The following CSMD1 variants were observed in gnomAD, a reference collection of about 807,000 sequenced individuals.
The protein encoded by CSMD1 is CUB and Sushi multiple domains 1.
Under a neutral mutation model 417.5 loss-of-function variants are expected in CSMD1, and 213 were observed. That is an observed-to-expected ratio of 0.51 (90% confidence interval 0.46 to 0.57). CSMD1 has a LOEUF of 0.57. Among genes scored for constraint, CSMD1 ranks in the 20% least tolerant of loss-of-function variants. The pLI is 0.00. For synonymous variants in CSMD1, 2,862 were observed against 1,736.8 expected (o/e 1.65, Z -16.11); for missense variants, 6,923 against 4,529.7 (o/e 1.53, Z -15.17).
rs117236856 is a variant in CSMD1 at position 3,564,367 on chromosome 8, C to G, written c.1344+10578G>C. Among the ~76,000 whole-genome samples, 878 of 152,280 alleles carry G rather than the reference C, an allele frequency of 5.8e-3. 6 individuals carry two copies. The highest frequency in any genetic ancestry group is 0.024 in the Middle Eastern group (7 of 294). The stretch of plus-strand genomic sequence containing the variant: ...CCTCAGTGTCCATAAATAACTCCTA[C>G]ACAAACCTAGACATTCATTCACTCA... On this transcript the variant is annotated intron_variant, in intron 10 of 69. Coordinates refer to ENST00000635120, the MANE Select transcript of CSMD1 (RefSeq NM_033225.6).
At chr8:4,640,453 G>C (rs556995805) in intron 1 of CSMD1, among the ~76,000 whole-genome samples, 4 of 152,132 alleles carry the variant, frequency 2.6e-5, no homozygotes, top group Admixed American at 2.0e-4. Flanking sequence ...AGAATAGAAA[G>C]CCATAAAATC....
chr8:4,358,487 G>C (rs370131909), intron 3 of CSMD1, among the ~76,000 whole-genome samples: 3 of 152,356 alleles, frequency 2.0e-5, no homozygotes, highest in African/African-American at 7.2e-5. Context: ...TCCACAAGGT[G>C]TATGTCTCCT....
chr8:4,481,306 C>A, intron 2 of CSMD1, among the ~76,000 whole-genome samples: 1 of 152,206 alleles, frequency 6.6e-6, no homozygotes, highest in East Asian at 1.9e-4. Context: ...CCTTATCTTT[C>A]CCATTTTTAA....
chr8:4,341,559 G>A (rs887773427), intron 3 of CSMD1, among the ~76,000 whole-genome samples: 6 of 152,078 alleles, frequency 3.9e-5, no homozygotes, highest in East Asian at 1.9e-4. Flanking sequence ...CCTACAGTGT[G>A]ATTTTGAGAA....
At chr8:3,250,293 G>C (rs570864922) in intron 26 of CSMD1, among the ~76,000 whole-genome samples, 9 of 152,144 alleles carry the variant, frequency 5.9e-5, no homozygotes, top group Admixed American at 3.9e-4. Context: ...CCACCTATGA[G>C]TGAGAACATG....
chr8:3,270,457 T>G (rs753834829), intron 26 of CSMD1, among the ~76,000 whole-genome samples: 2 of 152,186 alleles, frequency 1.3e-5, no homozygotes, highest in Non-Finnish European at 2.9e-5. Flanking sequence ...AGGTGATAGA[T>G]TAAAAACTAT....
intron 2 of CSMD1, among the ~76,000 whole-genome samples, chr8:4,636,083 C>G (rs998900919): frequency 6.6e-6 from 1 of 151,896 alleles, no homozygotes; most frequent in Non-Finnish European, 1.5e-5. Flanking sequence ...TAGATGTACA[C>G]ATAAAATTGT....
At chr8:4,926,905 T>C (rs922030587) in intron 1 of CSMD1, among the ~76,000 whole-genome samples, 2 of 152,122 alleles carry the variant, frequency 1.3e-5, no homozygotes, top group South Asian at 4.1e-4. Context: ...AAAGGTAACT[T>C]TGTTTTAGTT....
At chr8:4,590,966 G>A (rs12543883) in intron 2 of CSMD1, among the ~76,000 whole-genome samples, 24,974 of 152,106 alleles carry the variant, frequency 0.16, 2,381 homozygotes, top group African/African-American at 0.26. Flanking sequence ...ACACCTGGTT[G>A]CTGTCTTATT....
rs57745028 is a variant in CSMD1 at position 4,397,523 on chromosome 8, C to CTTTTTT, written c.415+22424_415+22429dup. Among the ~76,000 whole-genome samples the CTTTTTT allele has an allele frequency of 5.2e-4, 31 of 59,960 alleles. 1 individual carries two copies. Among genetic ancestry groups the CTTTTTT allele is most frequent in the African/African-American group, 1.6e-3 (26 of 16,478 alleles). The allele number at this position is 59,960 out of a possible 152,430, so 39.3% of individuals were successfully genotyped here. ...GAGCAATGTCAACAAGCCTGAGACT[C>CTTTTTT]TTTTTTTTTTTTTTTTTTTTTTTTT... is the stretch of plus-strand genomic sequence containing the variant. On this transcript the variant is annotated intron_variant, in intron 3 of 69. Coordinates refer to ENST00000635120, the MANE Select transcript of CSMD1 (RefSeq NM_033225.6).
intron 3 of CSMD1, among the ~76,000 whole-genome samples, chr8:4,077,473 A>T (rs1799894468): frequency 6.6e-6 from 1 of 151,912 alleles, no homozygotes; most frequent in Non-Finnish European, 1.5e-5. Flanking sequence ...TTAAATGTCT[A>T]GTTGAGGCTT....
intron 1 of CSMD1, among the ~76,000 whole-genome samples, chr8:4,813,542 G>C (rs767798659): frequency 6.6e-5 from 10 of 152,174 alleles, no homozygotes; most frequent in Non-Finnish European, 1.3e-4. Context: ...CAGTGAATGT[G>C]TTAACTCTTT....
intron 12 of CSMD1, among the ~76,000 whole-genome samples, chr8:3,414,616 T>C (rs1347498539): frequency 6.6e-6 from 1 of 152,190 alleles, no homozygotes; most frequent in East Asian, 1.9e-4. Flanking sequence ...GAAATTTTTC[T>C]GGTGACCAAC....
At chr8:3,949,275 T>C (rs185436980) in intron 5 of CSMD1, among the ~76,000 whole-genome samples, 1 of 152,250 alleles carries the variant, frequency 6.6e-6, no homozygotes, top group African/African-American at 2.4e-5. Context: ...ACAGCTATCA[T>C]GTTGTACAAT....
chr8:3,483,104 G>T (rs892698537), intron 11 of CSMD1, among the ~76,000 whole-genome samples: 6 of 152,010 alleles, frequency 3.9e-5, no homozygotes, highest in Non-Finnish European at 7.4e-5. Flanking sequence ...AAAGAAACTA[G>T]GAGGAAGAGT....
At chr8:4,691,351 G>A (rs1260346811) in intron 1 of CSMD1, among the ~76,000 whole-genome samples, 2 of 152,100 alleles carry the variant, frequency 1.3e-5, no homozygotes, top group East Asian at 1.9e-4. Flanking sequence ...TTATTTCAAA[G>A]TCACTGGGCC....
intron 2 of CSMD1, among the ~76,000 whole-genome samples, chr8:4,426,213 T>C (rs1797544381): frequency 6.6e-6 from 1 of 151,934 alleles, no homozygotes; most frequent in Non-Finnish European, 1.5e-5. Flanking sequence ...AAGCCTTTTA[T>C]CTATAGTTAC....
chr8:3,339,971 G>C (rs1158759995), intron 23 of CSMD1, among the ~76,000 whole-genome samples: 1 of 152,190 alleles, frequency 6.6e-6, no homozygotes, highest in Non-Finnish European at 1.5e-5. Flanking sequence ...TTACTATTCA[G>C]AAAACAGTAC....
intron 3 of CSMD1, among the ~76,000 whole-genome samples, chr8:4,228,314 G>A (rs545364155): frequency 6.6e-6 from 1 of 152,142 alleles, no homozygotes; most frequent in Non-Finnish European, 1.5e-5. Flanking sequence ...TTTGAAATAG[G>A]TGTTTTATTC....
Sources: gnomAD v4.1 joint callset for allele counts (sites outside exome capture counted in the v4.1 genomes callset) on GRCh38, gnomAD v4.1.1 for gene constraint, MANE v1.5 for transcripts, NCBI Gene and HGNC (gene_info 2026-07-23, HGNC 2026-07-21) for gene names.